Variants in LILRB4 observed in about 807,000 individuals in gnomAD.
LILRB4 encodes the protein leukocyte immunoglobulin-like receptor subfamily B member 4.
Under a neutral mutation model 55.2 loss-of-function variants are expected in LILRB4, and 49 were observed. The observed-to-expected ratio is 0.89, with a 90% CI of 0.71 to 1.13. The LOEUF (loss-of-function observed/expected upper bound fraction) is 1.13. Among genes scored for constraint, LILRB4 ranks in the 50% most tolerant of loss-of-function variants. LILRB4 has a pLI of 0.00. For synonymous variants in LILRB4, 229 were observed against 213.8 expected (o/e 1.07, Z -0.62); for missense variants, 590 against 555.2 (o/e 1.06, Z -0.63).
intron 5 of LILRB4, 113 bp downstream of exon 5, chr19:54,664,962 G>T (rs1160070461): frequency 1.4e-5 from 19 of 1,370,224 alleles, no homozygotes; most frequent in Non-Finnish European, 2.0e-5. Context: ...TGCTTCCACG[G>T]GTGTGGGAGT....
chr19:54,664,776 C>G (rs773467589), intron 4 of LILRB4, 23 bp from the exon 5 acceptor site: 11 of 1,544,432 alleles, frequency 7.1e-6, no homozygotes, highest in Middle Eastern at 1.7e-4. Flanking sequence ...AGACTCTCAC[C>G]CTCCTCTTGT....
intron 1 of LILRB4, 111 bp from the exon 2 acceptor site, chr19:54,663,421 G>C (rs1205823349): frequency 5.9e-6 from 8 of 1,362,882 alleles, no homozygotes; most frequent in Non-Finnish European, 7.9e-6. Context: ...ACTCCAGCCT[G>C]GGTGACAGCG....
Position 54,666,782 on chromosome 19 carries a change from G to A in LILRB4, c.1041+33G>A, listed in dbSNP as rs1337684745. ...CCCGCCCCTGTCCCCGGCACCAAAG[G>A]CCTCCTGGTGCCAGATCTAATCCTG... On this transcript the variant is annotated intron_variant, in intron 10 of 11. Coordinates refer to ENST00000430952, the Ensembl canonical transcript of LILRB4. The surrounding 1 kb of genome is among the most constrained non-coding windows in gnomAD (Gnocchi z 4.8). 1 of 1,591,048 alleles carries A rather than the reference G, an allele frequency of 6.3e-7. No individual in the cohort carries two copies. The highest frequency in any genetic ancestry group is 8.6e-7 in the Non-Finnish European group (1 of 1,159,378).
Position 54,666,967 on chromosome 19 carries a change from T to C in LILRB4, c.1041+218T>C, listed in dbSNP as rs1439239702. ...GGTCCCCTTCCTGCTCCTCATCCTC[T>C]GTTTGGCCATCTGGTTGTTAGAGAG... On this transcript the variant is annotated intron_variant, in intron 10 of 11. Coordinates refer to ENST00000430952, the Ensembl canonical transcript of LILRB4. This position sits in a 1 kb window ranked among gnomAD's most constrained non-coding sequence, Gnocchi z 4.8. 1.1e-5 allele frequency: 8 copies of C among 714,652 alleles called. No individual in the cohort carries two copies. The Admixed American group carries it at 1.2e-4, about 11-fold the overall frequency. The allele number at this position is 714,652 out of a possible 1,614,324, so 44.3% of individuals were successfully genotyped here.
chr19:54,665,687 T>A lies in LILRB4; in HGVS notation c.758-128T>A, dbSNP rs2065232050. ...AATGGGTGGAGAGAGGGTGGCAATCTCAGGTTGCACAACTGCTGTGAGGGT... is the reference window on the plus strand; with the variant it reads ...AATGGGTGGAGAGAGGGTGGCAATCACAGGTTGCACAACTGCTGTGAGGGT... On this transcript the variant is annotated intron_variant, in intron 6 of 11. Coordinates refer to ENST00000430952, the Ensembl canonical transcript of LILRB4. This position sits in a 1 kb window ranked among gnomAD's most constrained non-coding sequence, Gnocchi z 5.5. 8.6e-7 allele frequency: 1 copy of A among 1,158,480 alleles called. No individual in the cohort carries two copies. Among genetic ancestry groups the A allele is most frequent in the Non-Finnish European group, 1.3e-6 (1 of 790,838 alleles). The allele number at this position is 1,158,480 out of a possible 1,614,324, so 71.8% of individuals were successfully genotyped here.
At position 54,667,694 on chromosome 19, in the gene LILRB4, A is replaced by T. The variant is rs61738946; in HGVS notation, c.1098A>T (p.Arg366Ser). The change falls in exon 11 of 12, where the codon AGA becomes AGT. Residue 366 changes from arginine (R) to serine (S), a missense_variant. Arg to Ser is a moderately radical substitution (Grantham distance 110). Transcript: ENST00000430952. The stretch of plus-strand genomic sequence containing the variant: ...CGTATGCCAAGGTGAAACACTCCAG[A>T]CCTAGGAGAGAAATGGCCTCTCCTC... 3,775 of 1,603,606 alleles carry T rather than the reference A, an allele frequency of 2.4e-3. 28 individuals are homozygous for T. The African/African-American group carries it at 0.024, about 10-fold the overall frequency.
intron 1 of LILRB4, 80 bp downstream of exon 1, chr19:54,663,147 ACT>A: frequency 6.6e-7 from 1 of 1,515,288 alleles, no homozygotes; most frequent in Non-Finnish European, 8.9e-7. Context: ...TCTTTAGGAG[ACT>A]CAAAAATCTC....
In LILRB4 at chr19:54,666,026, T is replaced by A; in HGVS notation, c.874+95T>A. 1 of 1,495,292 alleles carries A rather than the reference T, an allele frequency of 6.7e-7. No individual in the cohort carries two copies. The highest frequency in any genetic ancestry group is 9.1e-7 in the Non-Finnish European group (1 of 1,097,478). 92.6% of individuals were successfully genotyped at this position (1,495,292 alleles called of 1,614,324 possible). A position where few individuals can be genotyped will look rare whatever the true frequency, so the allele number is the denominator to read the frequency against. On this transcript the variant is annotated intron_variant, in intron 7 of 11. Coordinates refer to ENST00000430952, the Ensembl canonical transcript of LILRB4. The surrounding 1 kb of genome is among the most constrained non-coding windows in gnomAD (Gnocchi z 4.8). ...AGATAGGAGAGGTCATCTTAGAAAC[T>A]CTGCTCCAGAAATTCCCAGTGAGAA...
rs536287525 is a variant in LILRB4 at position 54,665,423 on chromosome 19, G to C, written c.757+243G>C. On this transcript the variant is annotated intron_variant, in intron 6 of 11. Coordinates refer to ENST00000430952, the Ensembl canonical transcript of LILRB4. This position sits in a 1 kb window ranked among gnomAD's most constrained non-coding sequence, Gnocchi z 5.5. ...CAGGGAACCTCCCAGACCCGATTCC[G>C]CAGGGGCCTGTCCGGTCCCACCTGC... Among the ~76,000 whole-genome samples the C allele has an allele frequency of 6.6e-6, 1 of 152,022 alleles. No individual in the cohort carries two copies. Among genetic ancestry groups the C allele is most frequent in the Non-Finnish European group, 1.5e-5 (1 of 67,992 alleles).
Position 54,666,404 on chromosome 19 carries a change from G to A in LILRB4, c.956G>A (p.Ser319Asn). The change falls in exon 9 of 12, where the codon AGC becomes AAC. Residue 319 changes from serine to asparagine, a missense_variant. Ser to Asn is a conservative substitution (Grantham distance 46). Coordinates refer to ENST00000430952, the Ensembl canonical transcript of LILRB4. The surrounding 1 kb of genome is among the most constrained non-coding windows in gnomAD (Gnocchi z 4.8). ...ACTCCCGTATCCTCCCCCAGGTCCA[G>A]CCCAGCTGCTGACGTCCAGGGAGAA... 1 of 1,614,140 alleles carries A rather than the reference G, an allele frequency of 6.2e-7. No homozygotes were observed. Among genetic ancestry groups the A allele is most frequent in the South Asian group, 1.1e-5 (1 of 91,088 alleles).
chr19:54,666,183 T>G lies in LILRB4; in HGVS notation c.875-57T>G. The G allele has an allele frequency of 6.7e-7, 1 of 1,488,058 alleles. No homozygotes were observed. Among genetic ancestry groups the G allele is most frequent in the Non-Finnish European group, 9.1e-7 (1 of 1,102,612 alleles). 92.2% of individuals were successfully genotyped at this position (1,488,058 alleles called of 1,614,324 possible). A position where few individuals can be genotyped will look rare whatever the true frequency, so the allele number is the denominator to read the frequency against. ...GTTTCCTTTCCTCTTGACTTGCATG[T>G]GCAAGGCAGGTGGTTCTAACGTTCC... On this transcript the variant is annotated intron_variant, in intron 7 of 11. Coordinates refer to ENST00000430952, the Ensembl canonical transcript of LILRB4. This position sits in a 1 kb window ranked among gnomAD's most constrained non-coding sequence, Gnocchi z 4.8.
At chr19:54,663,001 T>A in exon 1 of LILRB4, 1 of 1,614,006 alleles carries the variant, frequency 6.2e-7, no homozygotes. Context: ...GACTCATCCA[T>A]CTGCACAGCT....
Position 54,666,359 on chromosome 19 carries a change from C to T in LILRB4, c.951-40C>T, listed in dbSNP as rs903394588. ...CTCAGACTCCCACCCATCCCAACAG[C>T]CACCTCACTGTCCCCTTACACTCCC... On this transcript the variant is annotated intron_variant, in intron 8 of 11. Coordinates refer to ENST00000430952, the Ensembl canonical transcript of LILRB4. The surrounding 1 kb of genome is among the most constrained non-coding windows in gnomAD (Gnocchi z 4.8). 1 of 1,611,794 alleles carries T rather than the reference C, an allele frequency of 6.2e-7. No individual in the cohort carries two copies. Among genetic ancestry groups the T allele is most frequent in the Middle Eastern group, 1.7e-4 (1 of 6,042 alleles).
exon 11 of LILRB4, chr19:54,667,647 G>T: frequency 6.2e-7 from 1 of 1,610,902 alleles, no homozygotes; most frequent in Non-Finnish European, 8.5e-7. Flanking sequence ...GAGCCCACAC[G>T]ATGAAGACCC....
At chr19:54,667,308 T>A (rs2065326287) in intron 10 of LILRB4, 1 of 588,456 alleles carries the variant, frequency 1.7e-6, no homozygotes, top group African/African-American at 1.9e-5. Flanking sequence ...TCAGCTGTCA[T>A]CTGAGAAGCC....
In LILRB4 at chr19:54,663,290, C is replaced by CA. The variant is rs530941010; in HGVS notation, c.34+229dup. 3.2e-3 allele frequency among the ~76,000 whole-genome samples: 482 copies of CA among 151,734 alleles called. 2 individuals carry two copies. Among genetic ancestry groups the CA allele is most frequent in the African/African-American group, 0.011 (450 of 41,370 alleles). On this transcript the variant is annotated intron_variant, in intron 1 of 11. Coordinates refer to ENST00000430952, the Ensembl canonical transcript of LILRB4. ...TGAAACCCTGTCTCTACTAAAAATA[C>CA]AAAAAATTAGCCGGGGGTGGTTGCA...
exon 12 of LILRB4, chr19:54,668,172 C>T: frequency 5.1e-6 from 4 of 786,032 alleles, no homozygotes; most frequent in Non-Finnish European, 8.1e-6. Flanking sequence ...TCACCTGATT[C>T]TGCAAAGATA....
At chr19:54,668,246 TAAAAC>T (rs1341860861) in exon 12 of LILRB4, 2 of 532,464 alleles carry the variant, frequency 3.8e-6, no homozygotes, top group Non-Finnish European at 6.6e-6. Context: ...AGTTAACTGA[TAAAAC>T]AAAACAGAAG....
chr19:54,664,201 C>G (rs765329044), exon 4 of LILRB4: 1 of 1,613,292 alleles, frequency 6.2e-7, no homozygotes, highest in South Asian at 1.1e-5. Context: ...TACAGTAAAC[C>G]CACCCTTTCA....
Sources: gnomAD v4.1 joint callset for allele counts (sites outside exome capture counted in the v4.1 genomes callset) on GRCh38, gnomAD v4.1.1 for gene constraint, Gnocchi (gnomAD v3.1) non-coding constraint, MANE v1.5 for transcripts, NCBI Gene and HGNC (gene_info 2026-07-23, HGNC 2026-07-21) for gene names.